MBIP: variants seen among roughly 807,000 people sequenced by gnomAD.
MBIP encodes the protein MAP3K12 binding inhibitory protein 1, also known as MAP3K12-binding inhibitory protein 1.
Under a neutral mutation model 45.7 loss-of-function variants are expected in MBIP, and 32 were observed. The ratio of observed to expected loss-of-function variants is 0.70; its 90% CI spans 0.53 to 0.94. The LOEUF is 0.94. Among genes scored for constraint, MBIP ranks in the 40% least tolerant of loss-of-function variants. The probability of loss-of-function intolerance (pLI) is 0.00; values close to 1 mark genes in which losing one functional copy is unlikely to be tolerated. For missense variants in MBIP, 381 were observed against 405.5 expected (o/e 0.94, Z 0.52); for synonymous variants, 145 against 141.0 (o/e 1.03, Z -0.20).
intron 2 of MBIP, among the ~76,000 whole-genome samples, chr14:36,315,362 A>G (rs1880505443): frequency 6.6e-6 from 1 of 152,076 alleles, no homozygotes. Context: ...GCTCTCACTC[A>G]GCAAAGCCCT....
At chr14:36,319,551 A>G (rs1198429555) in intron 1 of MBIP, 1 of 434,026 alleles carries the variant, frequency 2.3e-6, no homozygotes, top group African/African-American at 2.0e-5. Flanking sequence ...ATTTTCACAA[A>G]TCAGACAAAT....
chr14:36,318,512 T>C (rs948283001), intron 1 of MBIP, among the ~76,000 whole-genome samples: 1 of 151,990 alleles, frequency 6.6e-6, no homozygotes, highest in Non-Finnish European at 1.5e-5. Flanking sequence ...AGTAAACCAC[T>C]CACTCGAAAA....
rs537837993 is a variant in MBIP, at chr14:36,299,096, T to G, written c.1022A>C (p.His341Pro). ...GAGAGGAGTTTTTCATGGAAGGTGGTGGGTTGCCATGGATTCTGCTTCTCT... is the reference window on the plus strand; with the variant it reads ...GAGAGGAGTTTTTCATGGAAGGTGGGGGGTTGCCATGGATTCTGCTTCTCT... ...KSREAESMAT[H>P]HLP Residue 341 changes from histidine to proline, a missense_variant, in exon 9 of 9, where the codon CAC becomes CCC. By Grantham distance (77) the His-to-Pro change is moderately conservative. Transcript: ENST00000416007. 1 of 1,613,498 alleles carries G rather than the reference T, an allele frequency of 6.2e-7. No homozygotes were observed. Among genetic ancestry groups the G allele is most frequent in the South Asian group, 1.1e-5 (1 of 91,058 alleles).
At chr14:36,306,580 A>G (rs569862709) in intron 7 of MBIP, among the ~76,000 whole-genome samples, 17 of 152,080 alleles carry the variant, frequency 1.1e-4, no homozygotes, top group Non-Finnish European at 2.4e-4. Flanking sequence ...GCCTCTGTTA[A>G]GTTTTTATAA....
At chr14:36,304,041 T>C (rs562956094) in intron 7 of MBIP, among the ~76,000 whole-genome samples, 1 of 152,308 alleles carries the variant, frequency 6.6e-6, no homozygotes, top group South Asian at 2.1e-4. Flanking sequence ...AACTGGTTAG[T>C]GTGACCTTCA....
intron 7 of MBIP, among the ~76,000 whole-genome samples, chr14:36,301,210 A>T (rs1421681278): frequency 6.6e-6 from 1 of 152,136 alleles, no homozygotes; most frequent in African/African-American, 2.4e-5. Context: ...CAGACAAAGG[A>T]AAAACGGAAT....
intron 1 of MBIP, among the ~76,000 whole-genome samples, chr14:36,319,085 T>C (rs1880739017): frequency 6.6e-6 from 1 of 151,862 alleles, no homozygotes. Flanking sequence ...ACTTGAATGT[T>C]TAAAATTTTC....
intron 2 of MBIP, among the ~76,000 whole-genome samples, chr14:36,316,247 T>G (rs954976111): frequency 6.6e-6 from 1 of 152,162 alleles, no homozygotes; most frequent in African/African-American, 2.4e-5. Flanking sequence ...TTAAAAACTA[T>G]GCTGAAACTG....
chr14:36,308,109 C>T lies in MBIP; in HGVS notation c.871G>A (p.Glu291Lys). The T allele has an allele frequency of 1.3e-6, 2 of 1,576,186 alleles. No individual in the cohort carries two copies. The highest frequency in any genetic ancestry group is 2.2e-5 in the South Asian group (2 of 89,274). ...KILELEGISPEYFQSVSFSGK... is the reference protein window; with the variant it reads ...KILELEGISPKYFQSVSFSGK... ...ATACTCACTACAGACTGAAAATATT[C>T]AGGAGAGATGCCTTCCAATTCAAGG... The change falls in exon 7 of 9, where the codon GAA becomes AAA. Residue 291 changes from glutamate to lysine, a missense_variant. By Grantham distance (56) the Glu-to-Lys change is moderately conservative (BLOSUM62 1). Transcript: ENST00000416007.
Position 36,314,778 on chromosome 14 carries a change from C to T in MBIP, c.387G>A (p.Lys129=). Residue 129 remains lysine (K), a synonymous_variant, in exon 3 of 9, where the codon AAG becomes AAA. Transcript: ENST00000416007. ...FSIGDLQEEE[K]HKESDLRDVK... The stretch of plus-strand genomic sequence containing the variant: ...CATCTCTTAAATCACTTTCTTTGTG[C>T]TTTTCTTCCTCTTGTAGGTCGCCAA... The T allele has an allele frequency of 1.2e-6, 2 of 1,613,564 alleles. No homozygotes were observed. The highest frequency in any genetic ancestry group is 1.7e-6 in the Non-Finnish European group (2 of 1,179,708).
chr14:36,311,818 G>T, intron 5 of MBIP, 93 bp from the exon 6 acceptor site: 1 of 1,270,102 alleles, frequency 7.9e-7, no homozygotes, highest in Non-Finnish European at 1.1e-6. Flanking sequence ...TTTTCATAAA[G>T]ACCATCTAAC....
intron 7 of MBIP, among the ~76,000 whole-genome samples, chr14:36,306,664 T>C (rs1449550160): frequency 6.6e-6 from 1 of 152,178 alleles, no homozygotes; most frequent in Non-Finnish European, 1.5e-5. Flanking sequence ...TACCATACTC[T>C]ATTGTAAGAT....
intron 2 of MBIP, among the ~76,000 whole-genome samples, chr14:36,316,399 T>C (rs967614007): frequency 3.3e-5 from 5 of 152,156 alleles, no homozygotes; most frequent in African/African-American, 1.2e-4. Context: ...CCGTGTCTTA[T>C]TGCTTAATTA....
At chr14:36,317,181 A>G (rs549001151) in intron 1 of MBIP, among the ~76,000 whole-genome samples, 5 of 152,274 alleles carry the variant, frequency 3.3e-5, no homozygotes, top group African/African-American at 1.2e-4. Flanking sequence ...GAATCCTACT[A>G]CTTCTAGCTC....
At chr14:36,316,359 G>C (rs1880567526) in intron 2 of MBIP, among the ~76,000 whole-genome samples, 1 of 152,096 alleles carries the variant, frequency 6.6e-6, no homozygotes. Flanking sequence ...CCAAGGCATG[G>C]AATCATTATC....
intron 8 of MBIP, among the ~76,000 whole-genome samples, chr14:36,299,548 A>G (rs539923799): frequency 6.6e-6 from 1 of 151,970 alleles, no homozygotes; most frequent in South Asian, 2.1e-4. Context: ...CCTATTGGGT[A>G]TTATGCTGAT....
rs1340668101 is a variant in MBIP, at chr14:36,319,678, A to G, written c.129+782T>C. The G allele has an allele frequency of 2.6e-5, 7 of 267,284 alleles. No individual in the cohort carries two copies. In the Middle Eastern group the frequency reaches 1.6e-3, roughly 63 times the overall value. 16.6% of individuals were successfully genotyped at this position (267,284 alleles called of 1,614,324 possible). A position where few individuals can be genotyped will look rare whatever the true frequency, so the allele number is the denominator to read the frequency against. ...GGCTAGAAAATGGTCTATGTAAGATAGAAAATATTTCCTTTTAAAAGGCAG... is the reference window on the plus strand; with the variant it reads ...GGCTAGAAAATGGTCTATGTAAGATGGAAAATATTTCCTTTTAAAAGGCAG... On this transcript the variant is annotated intron_variant, in intron 1 of 8. Coordinates refer to ENST00000416007, the MANE Select transcript of MBIP (RefSeq NM_016586.3).
chr14:36,299,248 T>C (rs539282636), intron 8 of MBIP, 58 bp from the exon 9 acceptor site: 4 of 1,118,166 alleles, frequency 3.6e-6, no homozygotes, highest in Middle Eastern at 2.0e-4. Flanking sequence ...TTAATGCAGA[T>C]AAAGTGCCAA....
At position 36,299,170 on chromosome 14, in the gene MBIP, T is replaced by A. The variant is rs1879378345; in HGVS notation, c.948A>T (p.Glu316Asp). The change falls in exon 9 of 9, where the codon GAA becomes GAT. Residue 316 changes from glutamate to aspartate, a missense_variant. Physicochemically the swap from Glu to Asp is conservative, Grantham distance 45. Transcript: ENST00000416007. ...QPPQQNYSLAELDEKISALKQ... is the reference protein window; with the variant it reads ...QPPQQNYSLADLDEKISALKQ... ...TGAGGGCACTAATTTTCTCATCAAGTTCAGCCAGTGAATAGTTCTGCTGTA... is the reference window on the plus strand; with the variant it reads ...TGAGGGCACTAATTTTCTCATCAAGATCAGCCAGTGAATAGTTCTGCTGTA... The A allele has an allele frequency of 6.2e-7, 1 of 1,613,592 alleles. No individual in the cohort carries two copies. Among genetic ancestry groups the A allele is most frequent in the African/African-American group, 1.3e-5 (1 of 75,052 alleles).
Sources: gnomAD v4.1 joint callset for allele counts (sites outside exome capture counted in the v4.1 genomes callset) on GRCh38, gnomAD v4.1.1 for gene constraint, MANE v1.5 for transcripts, NCBI Gene and HGNC (gene_info 2026-07-23, HGNC 2026-07-21) for gene names.